The following WAPL variants were observed in gnomAD, a reference collection of about 807,000 sequenced individuals.
The protein encoded by WAPL is WAPL cohesin release factor.
In WAPL, 5 loss-of-function variants were observed where a neutral mutation model predicts 121.0. The ratio of observed to expected loss-of-function variants is 0.04; its 90% CI spans 0.02 to 0.09. The LOEUF (loss-of-function observed/expected upper bound fraction) is 0.09. WAPL is among the 10% of genes least tolerant of loss of function. The pLI, the probability that WAPL is intolerant of heterozygous loss-of-function variation, is 1.00. For synonymous variants in WAPL, 480 were observed against 481.5 expected (o/e 1.00, Z 0.04); for missense variants, 999 against 1,410.8 (o/e 0.71, Z 4.68).
intron 2 of WAPL, 32 bp from the exon 3 acceptor site, chr10:86,500,775 AGTG>A (rs1252227221): frequency 5.4e-6 from 8 of 1,494,404 alleles, no homozygotes; most frequent in Non-Finnish European, 6.3e-6. Flanking sequence ...TAAAAACATG[AGTG>A]GTATCAACAT....
intron 2 of WAPL, among the ~76,000 whole-genome samples, chr10:86,505,103 AT>A (rs1251875107): frequency 2.0e-5 from 3 of 152,086 alleles, no homozygotes; most frequent in Middle Eastern, 3.4e-3. Context: ...GTACAGAATT[AT>A]TTTTAAAACA....
chr10:86,439,287 G>A (rs1025212792), intron 17 of WAPL, among the ~76,000 whole-genome samples: 1 of 152,192 alleles, frequency 6.6e-6, no homozygotes, highest in East Asian at 1.9e-4. Context: ...GTACTCATGT[G>A]CTGAAGATAT....
At position 86,446,385 on chromosome 10, in the gene WAPL, T is replaced by C; in HGVS notation, c.3179A>G (p.Asp1060Gly). 6.2e-7 allele frequency: 1 copy of C among 1,614,188 alleles called. No homozygotes were observed. Among genetic ancestry groups the C allele is most frequent in the Non-Finnish European group, 8.5e-7 (1 of 1,180,032 alleles). ...CTTATCATGCTGAGTGGTGGGAGCA[T>C]CTTTGATCAACTCATCTGTTTTACT... The part of the protein sequence containing the change: ...AESKTDELIK[D>G]APTTQHDKSG... The change falls in exon 16 of 19, where the codon GAT (aspartate) becomes GGT (glycine). Residue 1060 changes from aspartate to glycine, a missense_variant. Asp to Gly is a moderately conservative substitution (Grantham distance 94, BLOSUM62 -1). Around this residue, in one of 7 missense-constraint regions of WAPL, gnomAD observed 126 missense variants for 144.0 expected, o/e 0.87. Transcript: ENST00000298767.
At position 86,460,339 on chromosome 10, in the gene WAPL, T is replaced by C. The variant is rs868691743; in HGVS notation, c.2580+60A>G. On this transcript the variant is annotated intron_variant, in intron 11 of 18. Coordinates refer to ENST00000298767, the MANE Select transcript of WAPL (RefSeq NM_015045.5). ...TATAAAATATTTGGCAGTCTCTCTCTTACACACACAATCACAATTAAGACT... is the reference window on the plus strand; with the variant it reads ...TATAAAATATTTGGCAGTCTCTCTCCTACACACACAATCACAATTAAGACT... 62 of 1,375,308 alleles carry C rather than the reference T, an allele frequency of 4.5e-5. No individual in the cohort carries two copies. In the Middle Eastern group the frequency reaches 8.9e-4, roughly 20 times the overall value. 85.2% of individuals were successfully genotyped at this position (1,375,308 alleles called of 1,614,324 possible).
chr10:86,438,706 G>A (rs1374892243), intron 17 of WAPL, among the ~76,000 whole-genome samples: 2 of 152,194 alleles, frequency 1.3e-5, no homozygotes, highest in Admixed American at 1.3e-4. Context: ...GAAATAAAAA[G>A]ATCAAAGAAA....
At chr10:86,446,519 A>C (rs1345075058) in intron 15 of WAPL, 70 bp from the exon 16 acceptor site, 61 of 1,439,344 alleles carry the variant, frequency 4.2e-5, no homozygotes, top group Non-Finnish European at 5.3e-5. Context: ...GCAAATATAA[A>C]GTTATAGTTG....
intron 4 of WAPL, among the ~76,000 whole-genome samples, chr10:86,476,064 T>C (rs926007212): frequency 6.6e-6 from 1 of 152,210 alleles, no homozygotes; most frequent in African/African-American, 2.4e-5. Context: ...AGAGAAATTA[T>C]TTTTAAAAAG....
In WAPL at chr10:86,462,613, G is replaced by A. The variant is rs181579320; in HGVS notation, c.2371-1326C>T. ...TGGGTGCCTGTAATTCCAGCTACTC[G>A]GGAGGCTGAGGCAGGAGGAATTGCT... On this transcript the variant is annotated intron_variant, in intron 9 of 18. Transcript: ENST00000298767. Among the ~76,000 whole-genome samples, 14 of 151,666 alleles carry A rather than the reference G, an allele frequency of 9.2e-5. No homozygotes were observed. The East Asian group carries it at 2.7e-3, about 29-fold the overall frequency.
intron 17 of WAPL, among the ~76,000 whole-genome samples, chr10:86,442,718 TTAAAACTATTTAGGTAATTTAAATA>T (rs1177688955): frequency 2.6e-5 from 4 of 152,156 alleles, no homozygotes; most frequent in Non-Finnish European, 4.4e-5. Flanking sequence ...AGTTTTTACT[TTAAAACTATTTAGGTAATTTAAATA>T]AAACTACTGG....
At chr10:86,466,043 AG>A (rs1203421868) in intron 9 of WAPL, among the ~76,000 whole-genome samples, 1 of 152,240 alleles carries the variant, frequency 6.6e-6, no homozygotes, top group Non-Finnish European at 1.5e-5. Flanking sequence ...ACAAGTAAAA[AG>A]CCAGAAGAAG....
In WAPL at chr10:86,483,119, A is replaced by G. The variant is rs543433592; in HGVS notation, c.1645-9146T>C. On this transcript the variant is annotated intron_variant, in intron 4 of 18. Transcript: ENST00000298767. ...ACAAACCTACTGTGCTGCCAGTCCT[A>G]TAAGGGTACAGTACATACATGCCAG... Among the ~76,000 whole-genome samples the G allele has an allele frequency of 2.6e-5, 4 of 152,290 alleles. No individual in the cohort carries two copies. The East Asian group carries it at 7.7e-4, about 29-fold the overall frequency.
In WAPL at chr10:86,464,709, G is replaced by A. The variant is rs553015910; in HGVS notation, c.2370+2570C>T. Among the ~76,000 whole-genome samples the A allele has an allele frequency of 6.5e-4, 99 of 152,238 alleles. 1 individual carries two copies. Among genetic ancestry groups the A allele is most frequent in the Admixed American group, 2.6e-3 (40 of 15,282 alleles). Reference sequence around the variant, plus strand: ...AAATTAGCTGGGCGTGATGGCACACGCCTGTAATCCCAGCTATTCAAGAGG... The same window carrying A: ...AAATTAGCTGGGCGTGATGGCACACACCTGTAATCCCAGCTATTCAAGAGG... On this transcript the variant is annotated intron_variant, in intron 9 of 18. Coordinates refer to ENST00000298767, the MANE Select transcript of WAPL (RefSeq NM_015045.5).
chr10:86,443,518 T>C lies in WAPL; in HGVS notation c.3323-155A>G, dbSNP rs1302859201. On this transcript the variant is annotated intron_variant, in intron 16 of 18. Transcript: ENST00000298767. Reference sequence around the variant, plus strand: ...TATCCACAGATTAACAAAAATTTAATCAAAATGAAATAGGGATCCAAAAGA... The same window carrying C: ...TATCCACAGATTAACAAAAATTTAACCAAAATGAAATAGGGATCCAAAAGA... 6.0e-6 allele frequency: 3 copies of C among 496,070 alleles called. No individual in the cohort carries two copies. In the East Asian group the frequency reaches 9.6e-5, roughly 16 times the overall value. 30.7% of individuals were successfully genotyped at this position (496,070 alleles called of 1,614,324 possible).
intron 4 of WAPL, among the ~76,000 whole-genome samples, chr10:86,478,209 G>A (rs186117277): frequency 1.3e-5 from 2 of 152,078 alleles, no homozygotes; most frequent in Non-Finnish European, 2.9e-5. Flanking sequence ...GGAGACAGAT[G>A]TCTTGCGCCC....
intron 8 of WAPL, among the ~76,000 whole-genome samples, chr10:86,469,872 T>C (rs912010614): frequency 6.6e-6 from 1 of 152,166 alleles, no homozygotes; most frequent in African/African-American, 2.4e-5. Context: ...GTTAACTGCA[T>C]AACAAAGCAA....
Position 86,440,055 on chromosome 10 carries a change from T to C in WAPL, c.3412-2040A>G, listed in dbSNP as rs77910767. ...GGCAACAAATAAATCTGGGGCTCTA[T>C]GAATTCACAACATTTCCCACAATTT... On this transcript the variant is annotated intron_variant, in intron 17 of 18. Coordinates refer to ENST00000298767, the MANE Select transcript of WAPL (RefSeq NM_015045.5). Among the ~76,000 whole-genome samples the C allele has an allele frequency of 5.3e-3, 805 of 152,338 alleles. 6 individuals carry two copies. The highest frequency in any genetic ancestry group is 0.018 in the African/African-American group (752 of 41,558).
intron 12 of WAPL, among the ~76,000 whole-genome samples, chr10:86,458,552 CATT>C (rs1841202609): frequency 6.6e-6 from 1 of 152,110 alleles, no homozygotes; most frequent in Non-Finnish European, 1.5e-5. Flanking sequence ...TAATTTAACT[CATT>C]AATATGTATC....
intron 11 of WAPL, 92 bp from the exon 12 acceptor site, chr10:86,459,157 A>G: frequency 1.0e-6 from 1 of 988,008 alleles, no homozygotes; most frequent in East Asian, 2.5e-5. Context: ...AAAAGATACA[A>G]AGATGAGGAA....
chr10:86,497,367 C>G (rs1842169006), intron 3 of WAPL, 48 bp from the exon 4 acceptor site: 1 of 1,349,380 alleles, frequency 7.4e-7, no homozygotes, highest in African/African-American at 1.5e-5. Flanking sequence ...TTCAAATTAC[C>G]TACCAGACAA....
Sources: allele counts gnomAD v4.1 joint callset (sites outside exome capture counted in the v4.1 genomes callset), GRCh38; gene constraint gnomAD v4.1.1; regional missense constraint gnomAD v4.1.1; transcripts MANE v1.5; gene names NCBI Gene and HGNC (gene_info 2026-07-23, HGNC 2026-07-21).